Variants in CD1E observed in about 807,000 individuals in gnomAD.
The protein encoded by CD1E is CD1e molecule.
CD1E carries 49 observed loss-of-function variants against 40.1 expected under a neutral mutation model. That is an observed-to-expected ratio of 1.22 (90% CI 0.97 to 1.55). The LOEUF (loss-of-function observed/expected upper bound fraction) is 1.55, where lower values mean the gene tolerates loss of function less well. Ranked by LOEUF, CD1E falls within the 40% of genes most tolerant of loss-of-function variation. The pLI is 0.00. For synonymous variants in CD1E, 189 were observed against 178.3 expected (o/e 1.06, Z -0.48); for missense variants, 492 against 471.3 (o/e 1.04, Z -0.41).
In CD1E at chr1:158,354,678, G is replaced by A. The variant is rs748218848; in HGVS notation, c.355+5G>A. ...CTGGTCAATTTCAGCTTGAATGTAA[G>A]TTCGTTGCTCTAAGCTGATAATTTG... is the stretch of plus-strand genomic sequence containing the variant. On this transcript the variant is annotated splice_donor_5th_base_variant and intron_variant, in intron 2 of 5. Coordinates refer to ENST00000368167, the MANE Select transcript of CD1E (RefSeq NM_030893.4). The A allele has an allele frequency of 1.2e-6, 2 of 1,608,830 alleles. No homozygotes were observed. The highest frequency in any genetic ancestry group is 2.2e-5 in the East Asian group (1 of 44,838).
Position 158,353,969 on chromosome 1 carries a change from C to T in CD1E, c.-20C>T, listed in dbSNP as rs763005827. ...AGGGCAGGTGTCCTGCCAAGGAATC[C>T]CTCCTTTAACAGAGCTTCAATGCTG... On this transcript the variant is annotated 5_prime_UTR_variant, in exon 1 of 6. Transcript: ENST00000368167. 3.7e-6 allele frequency: 6 copies of T among 1,610,746 alleles called. No homozygotes were observed. Among genetic ancestry groups the T allele is most frequent in the East Asian group, 2.2e-5 (1 of 44,860 alleles).
At position 158,356,873 on chromosome 1, in the gene CD1E, A is replaced by G; in HGVS notation, c.1144A>G (p.Thr382Ala). The change falls in exon 6 of 6, where the codon ACA becomes GCA. Residue 382 changes from threonine (T) to alanine (A), a missense_variant. Transcript: ENST00000368167. ...IKNRVLKKWK[T>A]RLNQLW ...AAACAGAGTATTGAAGAAGTGGAAG[A>G]CACGCCTAAACCAACTCTGGTGACA... is the stretch of plus-strand genomic sequence containing the variant. 4 of 1,614,056 alleles carry G rather than the reference A, an allele frequency of 2.5e-6. No homozygotes were observed.
chr1:158,354,173 C>T, intron 1 of CD1E, 127 bp downstream of exon 1: 1 of 953,310 alleles, frequency 1.0e-6, no homozygotes. Context: ...GCCTTTCAGG[C>T]TAGTTCCAGG....
rs367726533 is a variant in CD1E, at chr1:158,354,561, C to T, written c.243C>T (p.Ser81=). The change falls in exon 2 of 6, where the codon TCC becomes TCT. Residue 81 remains serine (S), a synonymous_variant. Coordinates refer to ENST00000368167, the MANE Select transcript of CD1E (RefSeq NM_030893.4). ...CCATCCGCTTTCTGAAGCCCTGGTC[C>T]CATGGAAACTTCAGCAAGCAGGAGC... ...LGTIRFLKPW[S]HGNFSKQELK... 3.7e-6 allele frequency: 6 copies of T among 1,613,994 alleles called. No homozygotes were observed. The African/African-American group carries it at 4.0e-5, about 11-fold the overall frequency.
Position 158,353,897 on chromosome 1 carries a change from C to A in CD1E, c.-92C>A. The A allele has an allele frequency of 1.0e-6, 1 of 988,792 alleles. No homozygotes were observed. Among genetic ancestry groups the A allele is most frequent in the Non-Finnish European group, 1.6e-6 (1 of 620,026 alleles). 61.3% of individuals were successfully genotyped at this position (988,792 alleles called of 1,614,324 possible). A position where few individuals can be genotyped will look rare whatever the true frequency, so the allele number is the denominator to read the frequency against. ...TGTCTGTACAGCAAGGGAAGTCAGA[C>A]GAGAGTGCAAGAGGGTGTGGAGAGG... On this transcript the variant is annotated 5_prime_UTR_variant, in exon 1 of 6. Transcript: ENST00000368167.
At position 158,354,895 on chromosome 1, in the gene CD1E, T is replaced by A. The variant is rs149979135; in HGVS notation, c.355+222T>A. ...ATATCTCAACATGAATATAGCTTCATGTCTGGCTCTTTGGAATGATTGTCT... is the reference window on the plus strand; with the variant it reads ...ATATCTCAACATGAATATAGCTTCAAGTCTGGCTCTTTGGAATGATTGTCT... On this transcript the variant is annotated intron_variant, in intron 2 of 5. Transcript: ENST00000368167. 2.3e-3 allele frequency among the ~76,000 whole-genome samples: 349 copies of A among 152,276 alleles called. 3 individuals carry two copies. The highest frequency in any genetic ancestry group is 7.7e-3 in the African/African-American group (321 of 41,580).
chr1:158,356,789 A>C lies in CD1E; in HGVS notation c.1060A>C (p.Thr354Pro). ...PSPVFLMGAN[T>P]QDTKNSRHQF... ...CCCTGTCTTTCTCATGGGAGCCAAC[A>C]CTCAGGACACCAAGAATTCAAGACA... Residue 354 changes from threonine (T) to proline (P), a missense_variant, in exon 6 of 6, where the codon ACT becomes CCT. Coordinates refer to ENST00000368167, the MANE Select transcript of CD1E (RefSeq NM_030893.4). The C allele has an allele frequency of 6.2e-7, 1 of 1,613,694 alleles. No individual in the cohort carries two copies. The highest frequency in any genetic ancestry group is 8.5e-7 in the Non-Finnish European group (1 of 1,179,886).
In CD1E at chr1:158,356,493, A is replaced by G. The variant is rs760597693; in HGVS notation, c.905-5A>G. ...GGTTGGTATTCTTATTCTATCCCCAACCAGGTGGATATTCCATCTTTCTCA... is the reference window on the plus strand; with the variant it reads ...GGTTGGTATTCTTATTCTATCCCCAGCCAGGTGGATATTCCATCTTTCTCA... On this transcript the variant is annotated splice_region_variant and splice_polypyrimidine_tract_variant and intron_variant, in intron 4 of 5. Coordinates refer to ENST00000368167, the MANE Select transcript of CD1E (RefSeq NM_030893.4). 2 of 1,601,254 alleles carry G rather than the reference A, an allele frequency of 1.2e-6. No homozygotes were observed.
intron 3 of CD1E, 91 bp downstream of exon 3, chr1:158,355,660 T>A: frequency 6.8e-7 from 1 of 1,463,764 alleles, no homozygotes; most frequent in Non-Finnish European, 9.2e-7. Context: ...AAAGACATAG[T>A]GAGAGACTAG....
chr1:158,356,667 T>C (rs889386357), intron 5 of CD1E, 61 bp from the exon 6 acceptor site: 2 of 1,573,886 alleles, frequency 1.3e-6, no homozygotes, highest in Non-Finnish European at 1.7e-6. Context: ...CTTTTTTTTT[T>C]TCTCTGCCTT....
chr1:158,356,607 T>G lies in CD1E; in HGVS notation c.998+16T>G, dbSNP rs2101615237. On this transcript the variant is annotated intron_variant, in intron 5 of 5. Transcript: ENST00000368167. ...AAAAACAGAGGTGAGCTTTTTCTTG[T>G]TCTTTGTTTCTTCAGCCTGTAATCA... 6.2e-7 allele frequency: 1 copy of G among 1,606,486 alleles called. No homozygotes were observed. The highest frequency in any genetic ancestry group is 1.7e-4 in the Middle Eastern group (1 of 6,052).
rs1653771875 is a variant in CD1E at position 158,356,836 on chromosome 1, A to C, written c.1107A>C (p.Val369=). Residue 369 remains valine (V), a synonymous_variant, in exon 6 of 6, where the codon GTA becomes GTC. Transcript: ENST00000368167. ...NSRHQFCLAQ[V]SWIKNRVLKK... ...GACATCAGTTCTGCTTGGCACAAGT[A>C]TCGTGGATCAAAAACAGAGTATTGA... 6 of 1,613,940 alleles carry C rather than the reference A, an allele frequency of 3.7e-6. No homozygotes were observed. The highest frequency in any genetic ancestry group is 1.3e-5 in the African/African-American group (1 of 74,890).
chr1:158,354,221 G>C, intron 1 of CD1E, 156 bp from the exon 2 acceptor site: 1 of 942,918 alleles, frequency 1.1e-6, no homozygotes, highest in Non-Finnish European at 1.6e-6. Context: ...TTTTGTCTCT[G>C]ATTTTGGAGA....
In CD1E at chr1:158,355,468, A is replaced by AC; in HGVS notation, c.526dup (p.Leu176ProfsTer4). ...AACATCTGTAAAGTGCTCAATCGCTACCTAGATATTAAGGAAATACTGCAA... is the reference window on the plus strand; with the variant it reads ...AACATCTGTAAAGTGCTCAATCGCTACCCTAGATATTAAGGAAATACTGCAA... On this transcript the variant is annotated frameshift_variant, in exon 3 of 6. Coordinates refer to ENST00000368167, the MANE Select transcript of CD1E (RefSeq NM_030893.4). LOFTEE classifies it high-confidence loss of function. 1 of 1,614,070 alleles carries AC rather than the reference A, an allele frequency of 6.2e-7. No homozygotes were observed. The highest frequency in any genetic ancestry group is 1.3e-5 in the African/African-American group (1 of 75,030).
intron 1 of CD1E, 153 bp downstream of exon 1, chr1:158,354,199 C>A: frequency 1.1e-6 from 1 of 905,878 alleles, no homozygotes; most frequent in Non-Finnish European, 1.7e-6. Context: ...AATTCTTGCT[C>A]TCAGTCTCAG....
chr1:158,356,528 G>T lies in CD1E; in HGVS notation c.935G>T (p.Cys312Phe), dbSNP rs201872496. ...TATTCCATCTTTCTCATCCTGATCTGTTTGACTGTGATAGTTACCCTGGTC... is the reference window on the plus strand; with the variant it reads ...TATTCCATCTTTCTCATCCTGATCTTTTTGACTGTGATAGTTACCCTGGTC... ...GGYSIFLILI[C>F]LTVIVTLVIL... The change falls in exon 5 of 6, where the codon TGT becomes TTT. Residue 312 changes from cysteine (C) to phenylalanine (F), a missense_variant. Coordinates refer to ENST00000368167, the MANE Select transcript of CD1E (RefSeq NM_030893.4). The T allele has an allele frequency of 6.2e-7, 1 of 1,613,622 alleles. No homozygotes were observed. The highest frequency in any genetic ancestry group is 8.5e-7 in the Non-Finnish European group (1 of 1,179,704).
rs764078177 is a variant in CD1E at position 158,354,655 on chromosome 1, G to A, written c.337G>A (p.Gly113Ser). Residue 113 changes from glycine (G) to serine (S), a missense_variant, in exon 2 of 6, where the codon GGT becomes AGT. By Grantham distance (56) the Gly-to-Ser change is moderately conservative. Coordinates refer to ENST00000368167, the MANE Select transcript of CD1E (RefSeq NM_030893.4). The part of the protein sequence containing the change: ...SFIQIVQASA[G>S]QFQLEYPFEI... ...TATCCAGATAGTGCAAGCTTCTGCT[G>A]GTCAATTTCAGCTTGAATGTAAGTT... 11 of 1,612,404 alleles carry A rather than the reference G, an allele frequency of 6.8e-6. No homozygotes were observed. The East Asian group carries it at 2.5e-4, about 36-fold the overall frequency.
At position 158,356,898 on chromosome 1, in the gene CD1E, A is replaced by G; in HGVS notation, c.*2A>G. 1.2e-6 allele frequency: 2 copies of G among 1,613,340 alleles called. No individual in the cohort carries two copies. Among genetic ancestry groups the G allele is most frequent in the Non-Finnish European group, 1.7e-6 (2 of 1,179,420 alleles). ...ACACGCCTAAACCAACTCTGGTGAC[A>G]TTTGCTTTACCTTATACATAAAATC... On this transcript the variant is annotated 3_prime_UTR_variant, in exon 6 of 6. Coordinates refer to ENST00000368167, the MANE Select transcript of CD1E (RefSeq NM_030893.4).
Position 158,357,070 on chromosome 1 carries a change from A to G in CD1E, c.*174A>G, listed in dbSNP as rs577910868. On this transcript the variant is annotated 3_prime_UTR_variant, in exon 6 of 6. Coordinates refer to ENST00000368167, the MANE Select transcript of CD1E (RefSeq NM_030893.4). ...ATTTTTTTTTTCCTGCTTTGGCTAC[A>G]TATCCATCATTGTTTATTTTTGAAA... 1.4e-4 allele frequency: 80 copies of G among 574,386 alleles called. No homozygotes were observed. Among genetic ancestry groups the G allele is most frequent in the African/African-American group, 1.2e-3 (64 of 53,416 alleles). The allele number at this position is 574,386 out of a possible 1,614,324, so 35.6% of individuals were successfully genotyped here.
Sources: gnomAD v4.1 joint callset for allele counts (sites outside exome capture counted in the v4.1 genomes callset) on GRCh38, gnomAD v4.1.1 for gene constraint, MANE v1.5 for transcripts, NCBI Gene and HGNC (gene_info 2026-07-23, HGNC 2026-07-21) for gene names.